Variants in MYT1L observed in about 807,000 individuals in gnomAD.
MYT1L encodes myelin transcription factor 1 like.
In MYT1L, 12 loss-of-function variants were observed where a neutral mutation model predicts 126.7. That is an observed-to-expected ratio of 0.09 (90% CI 0.06 to 0.15). MYT1L has a LOEUF of 0.15. Ranked by LOEUF, MYT1L falls within the 10% of genes least tolerant of loss-of-function variation. MYT1L has a pLI of 1.00. For missense variants in MYT1L, 979 were observed against 1,585.2 expected, an observed-to-expected ratio of 0.62 and a Z score of 6.49; for synonymous variants, 541 against 604.2, an observed-to-expected ratio of 0.90 and a Z score of 1.53.
intron 4 of MYT1L, among the ~76,000 whole-genome samples, chr2:2,021,029 T>C (rs138322171): frequency 6.6e-6 from 1 of 152,302 alleles, no homozygotes; most frequent in Non-Finnish European, 1.5e-5. Context: ...CTCTGCTTAG[T>C]AAGTGACGAT....
In MYT1L at chr2:2,024,331, TA is replaced by T. The variant is rs2065318007; in HGVS notation, c.-157-26985del. Among the ~76,000 whole-genome samples the T allele has an allele frequency of 5.9e-5, 9 of 152,240 alleles. No individual in the cohort carries two copies. In the South Asian group the frequency reaches 1.9e-3, roughly 32 times the overall value. The stretch of plus-strand genomic sequence containing the variant: ...AAATTAATTAAAAAAACAAACAAAA[TA>T]ACACAGCACCCAAACCCGCCCAGTG... On this transcript the variant is annotated intron_variant, in intron 4 of 24. Transcript: ENST00000647738.
At position 1,929,871 on chromosome 2, in the gene MYT1L, T is replaced by G. The variant is rs549194514; in HGVS notation, c.506-6608A>C. ...AGGGACGAGTCTAGAATTGCCATCT[T>G]GGTTTTGCTACATCTCAAGCCTTTC... On this transcript the variant is annotated intron_variant, in intron 9 of 24. Coordinates refer to ENST00000647738, the MANE Select transcript of MYT1L (RefSeq NM_001303052.2). This position sits in a 1 kb window ranked among gnomAD's most constrained non-coding sequence, Gnocchi z 4.7. Among the ~76,000 whole-genome samples, 1 of 152,354 alleles carries G rather than the reference T, an allele frequency of 6.6e-6. No homozygotes were observed. The highest frequency in any genetic ancestry group is 6.5e-5 in the Admixed American group (1 of 15,308).
At chr2:2,158,516 G>C (rs1180162750) in intron 3 of MYT1L, among the ~76,000 whole-genome samples, 1 of 152,096 alleles carries the variant, frequency 6.6e-6, no homozygotes, top group African/African-American at 2.4e-5. Context: ...CAGAAACCTT[G>C]AGCTGGGGTT....
chr2:1,799,816 A>G (rs1325584908), intron 23 of MYT1L, among the ~76,000 whole-genome samples: 2 of 152,168 alleles, frequency 1.3e-5, no homozygotes, highest in African/African-American at 4.8e-5. Flanking sequence ...AGGTGGAGGT[A>G]ATTAAATCAT....
At chr2:2,148,492 T>C (rs2085233071) in intron 3 of MYT1L, among the ~76,000 whole-genome samples, 1 of 152,040 alleles carries the variant, frequency 6.6e-6, no homozygotes, top group South Asian at 2.1e-4. Flanking sequence ...AGGCCACGGA[T>C]AGGTAGTGGT....
chr2:1,956,828 CA>C (rs74164548), intron 8 of MYT1L, among the ~76,000 whole-genome samples: 12,365 of 146,042 alleles, frequency 0.085, 792 homozygotes, highest in African/African-American at 0.19. Context: ...TAGTGAAAAG[CA>C]AAAAAAAAAA....
intron 21 of MYT1L, chr2:1,828,391 A>G (rs1164989040): frequency 6.6e-6 from 1 of 152,126 alleles, no homozygotes; most frequent in Admixed American, 6.5e-5. Flanking sequence ...GTTTTTACAG[A>G]TGGAATGAGA....
intron 9 of MYT1L, among the ~76,000 whole-genome samples, chr2:1,927,137 C>G (rs1431902246): frequency 6.6e-6 from 1 of 152,200 alleles, no homozygotes; most frequent in African/African-American, 2.4e-5. Context: ...ACAGAGTTAC[C>G]GCACTGGCAC....
chr2:1,975,868 CA>C (rs1405256502), intron 8 of MYT1L, among the ~76,000 whole-genome samples: 1 of 152,032 alleles, frequency 6.6e-6, no homozygotes, highest in Non-Finnish European at 1.5e-5. Flanking sequence ...TGTCTCAAAA[CA>C]AAACTAAACT....
Position 1,923,014 on chromosome 2 carries a change from T to C in MYT1L, c.755A>G (p.Asp252Gly). The change falls in exon 10 of 25, where the codon GAC becomes GGC. Residue 252 changes from aspartate to glycine, a missense_variant. Asp to Gly is a moderately conservative substitution (Grantham distance 94, BLOSUM62 -1). Around this residue, in one of 12 missense-constraint regions of MYT1L, gnomAD observed 243 missense variants for 363.9 expected, o/e 0.67. Transcript: ENST00000647738. ...TTCTCTAACAACATCACTGTCTAAGTCTAAACTCAACTCACTTTTCCGACC... is the reference window on the plus strand; with the variant it reads ...TTCTCTAACAACATCACTGTCTAAGCCTAAACTCAACTCACTTTTCCGACC... ...NLGRKSELSL[D>G]LDSDVVRETV... The C allele has an allele frequency of 1.2e-6, 2 of 1,614,028 alleles. No individual in the cohort carries two copies. The highest frequency in any genetic ancestry group is 1.1e-5 in the South Asian group (1 of 91,080).
intron 21 of MYT1L, chr2:1,826,029 C>T (rs369223508): frequency 6.6e-5 from 10 of 152,436 alleles, no homozygotes; most frequent in African/African-American, 2.2e-4. Flanking sequence ...TGCCCAACGT[C>T]CAGCAGGACA....
intron 3 of MYT1L, among the ~76,000 whole-genome samples, chr2:2,130,465 C>T (rs1343181053): frequency 6.6e-6 from 1 of 152,082 alleles, no homozygotes; most frequent in Non-Finnish European, 1.5e-5. Flanking sequence ...CGCAGGTGTC[C>T]AGGTGTGTGT....
At chr2:2,081,419 C>T (rs528789768) in intron 3 of MYT1L, among the ~76,000 whole-genome samples, 72 of 152,322 alleles carry the variant, frequency 4.7e-4, no homozygotes, top group Non-Finnish European at 8.8e-4. Flanking sequence ...GCATGCTTGA[C>T]CAAATTGCTT....
chr2:2,043,370 G>A (rs1482090023), intron 4 of MYT1L, among the ~76,000 whole-genome samples: 1 of 152,142 alleles, frequency 6.6e-6, no homozygotes, highest in East Asian at 1.9e-4. Flanking sequence ...TTCTTGTTAT[G>A]TTGTTATCAG....
intron 3 of MYT1L, among the ~76,000 whole-genome samples, chr2:2,090,539 C>T (rs1192486445): frequency 1.3e-5 from 2 of 152,186 alleles, no homozygotes; most frequent in African/African-American, 4.8e-5. Flanking sequence ...ATGTCGATGG[C>T]TGCTGACTGA....
intron 1 of MYT1L, among the ~76,000 whole-genome samples, chr2:2,329,875 T>C (rs538207945): frequency 4.6e-5 from 7 of 152,136 alleles, no homozygotes; most frequent in South Asian, 2.1e-4. Context: ...ACTTCCTTTT[T>C]TTCTGGAATG....
At chr2:2,044,071 A>G (rs1468659057) in intron 4 of MYT1L, among the ~76,000 whole-genome samples, 1 of 152,128 alleles carries the variant, frequency 6.6e-6, no homozygotes, top group Non-Finnish European at 1.5e-5. Context: ...TTCTGGGTGA[A>G]TGTTTTACAG....
At chr2:1,997,036 G>A (rs2061937193) in intron 5 of MYT1L, among the ~76,000 whole-genome samples, 155 bp downstream of exon 5, 1 of 145,598 alleles carries the variant, frequency 6.9e-6, no homozygotes, top group South Asian at 2.3e-4. Flanking sequence ...ACAGAACCGA[G>A]TGTAGACGGG....
chr2:2,001,064 C>A (rs947997363), intron 4 of MYT1L, among the ~76,000 whole-genome samples: 3 of 152,044 alleles, frequency 2.0e-5, no homozygotes, highest in Non-Finnish European at 2.9e-5. Flanking sequence ...TTTTTTCATT[C>A]TTAATGCTTG....
Sources: allele counts gnomAD v4.1 joint callset (sites outside exome capture counted in the v4.1 genomes callset), GRCh38; gene constraint gnomAD v4.1.1; regional missense constraint gnomAD v4.1.1; non-coding constraint Gnocchi (gnomAD v3.1); transcripts MANE v1.5; gene names NCBI Gene and HGNC (gene_info 2026-07-23, HGNC 2026-07-21).